Variants in LAMC3 observed in about 807,000 individuals in gnomAD.
LAMC3 encodes the protein laminin subunit gamma-3.
In LAMC3, 128 loss-of-function variants were observed where a neutral mutation model predicts 173.8. That is an observed-to-expected ratio of 0.74 (90% CI 0.64 to 0.85). LAMC3 has a LOEUF of 0.85. Ranked by LOEUF, LAMC3 falls within the 40% of genes least tolerant of loss-of-function variation. LAMC3 has a pLI of 0.00. For missense variants in LAMC3, 2,022 were observed against 2,156.0 expected (o/e 0.94, Z 1.23); for synonymous variants, 897 against 909.1 (o/e 0.99, Z 0.24).
intron 18 of LAMC3, 101 bp downstream of exon 18, chr9:131,071,726 C>T: frequency 7.8e-7 from 1 of 1,285,326 alleles, no homozygotes; most frequent in African/African-American, 1.5e-5. Flanking sequence ...CCCAAAACAG[C>T]CCTGTTGCCA....
chr9:131,045,060 A>G (rs1282377302), intron 7 of LAMC3, among the ~76,000 whole-genome samples: 1 of 152,122 alleles, frequency 6.6e-6, no homozygotes, highest in African/African-American at 2.4e-5. Context: ...CGTTTCTACT[A>G]AAAATACAAA....
intron 24 of LAMC3, among the ~76,000 whole-genome samples, chr9:131,083,094 T>C (rs1830268942): frequency 1.3e-5 from 2 of 152,204 alleles, no homozygotes; most frequent in South Asian, 4.1e-4. Flanking sequence ...CAATGACTTA[T>C]AATGATGGAA....
At position 131,034,294 on chromosome 9, in the gene LAMC3, CCTGGTGACCA is replaced by C. The variant is rs1483103836; in HGVS notation, c.810-1868_810-1859del. On this transcript the variant is annotated intron_variant, in intron 3 of 27. Coordinates refer to ENST00000361069, the MANE Select transcript of LAMC3 (RefSeq NM_006059.4). Reference sequence around the variant, plus strand: ...GGCAGGGGCAGTCCCTTGTGACTTCCCTGGTGACCACTGTCCCCAGGATTGCCTGGCGCCT... The same window carrying C: ...GGCAGGGGCAGTCCCTTGTGACTTCCCTGTCCCCAGGATTGCCTGGCGCCT... 3.9e-5 allele frequency among the ~76,000 whole-genome samples: 6 copies of C among 152,326 alleles called. No individual in the cohort carries two copies. The South Asian group carries it at 1.0e-3, about 26-fold the overall frequency.
chr9:131,067,144 G>A lies in LAMC3; in HGVS notation c.2532G>A (p.Glu844=), dbSNP rs1412417478. ...CLHNTTGDHC[E]HCQEGFYGSA... ...ACAACACCACGGGTGACCACTGTGA[G>A]CACTGTCAGGAAGGCTTCTACGGGA... is the stretch of plus-strand genomic sequence containing the variant. Residue 844 remains glutamate (E), a synonymous_variant, in exon 14 of 28, where the codon GAG becomes GAA. Transcript: ENST00000361069. 1.2e-6 allele frequency: 2 copies of A among 1,614,194 alleles called. No individual in the cohort carries two copies. Among genetic ancestry groups the A allele is most frequent in the Non-Finnish European group, 1.7e-6 (2 of 1,180,020 alleles).
intron 12 of LAMC3, among the ~76,000 whole-genome samples, chr9:131,059,538 C>T (rs1421988625): frequency 1.2e-5 from 1 of 85,590 alleles, no homozygotes. Context: ...CTGACCTAGC[C>T]GGGGAGGGCA....
At chr9:131,027,940 G>A (rs1588140837) in intron 2 of LAMC3, among the ~76,000 whole-genome samples, 1 of 152,242 alleles carries the variant, frequency 6.6e-6, no homozygotes, top group African/African-American at 2.4e-5. Flanking sequence ...ACGTTGCTGT[G>A]TGTCCATAGC....
intron 20 of LAMC3, among the ~76,000 whole-genome samples, chr9:131,074,345 G>A (rs1279477932): frequency 6.6e-6 from 1 of 151,954 alleles, no homozygotes; most frequent in East Asian, 1.9e-4. Flanking sequence ...AATGCCACAT[G>A]TTGTTTATCC....
intron 7 of LAMC3, 114 bp downstream of exon 7, chr9:131,041,849 GGGTGACCTTGT>G: frequency 1.1e-6 from 1 of 873,284 alleles, no homozygotes; most frequent in South Asian, 1.4e-5. Flanking sequence ...TCATGGACTT[GGGTGACCTTGT>G]CACCCTGTGC....
chr9:131,061,363 T>C, intron 13 of LAMC3, 140 bp downstream of exon 13: 1 of 704,542 alleles, frequency 1.4e-6, no homozygotes, highest in African/African-American at 1.8e-5. Context: ...GCAGCAGGCA[T>C]GACCTCTGAG....
chr9:131,039,689 A>G (rs1834011889), intron 6 of LAMC3, among the ~76,000 whole-genome samples: 1 of 151,960 alleles, frequency 6.6e-6, no homozygotes, highest in African/African-American at 2.4e-5. Flanking sequence ...AGAGCAGGGC[A>G]GATTCCAGAG....
chr9:131,037,607 T>G (rs1833970057), intron 4 of LAMC3, among the ~76,000 whole-genome samples: 1 of 152,056 alleles, frequency 6.6e-6, no homozygotes, highest in Admixed American at 6.5e-5. Flanking sequence ...GGGTGCGTGT[T>G]CCTCCTACCT....
chr9:131,019,747 G>A (rs2133214993), intron 1 of LAMC3, among the ~76,000 whole-genome samples: 1 of 152,178 alleles, frequency 6.6e-6, no homozygotes, highest in East Asian at 1.9e-4. Flanking sequence ...GGAGTCCATG[G>A]AGCCCCAGAG....
Position 131,061,068 on chromosome 9 carries a change from C to T in LAMC3, c.2192C>T (p.Pro731Leu), listed in dbSNP as rs1376636209. 1.9e-6 allele frequency: 3 copies of T among 1,614,046 alleles called. No homozygotes were observed. The highest frequency in any genetic ancestry group is 2.5e-6 in the Non-Finnish European group (3 of 1,180,042). Residue 731 changes from proline to leucine, a missense_variant, in exon 13 of 28, where the codon CCA becomes CTA. Transcript: ENST00000361069. ...ICVCSHHTEG[P>L]SCERCLPGFY... ...GTCTGCAGCCACCATACCGAGGGCC[C>T]ATCCTGTGAACGCTGTTTGCCAGGT...
chr9:131,079,389 G>T (rs1184485173), intron 23 of LAMC3, 91 bp downstream of exon 23: 5 of 1,500,298 alleles, frequency 3.3e-6, no homozygotes, highest in Non-Finnish European at 2.7e-6. Flanking sequence ...AGGGAGAAGG[G>T]CAGAGACAGA....
Position 131,068,183 on chromosome 9 carries a change from G to C in LAMC3, c.2699G>C (p.Arg900Pro), listed in dbSNP as rs781114465. The change falls in exon 15 of 28, where the codon CGC (arginine) becomes CCC (proline). Residue 900 changes from arginine (R) to proline (P), a missense_variant. By Grantham distance (103) the Arg-to-Pro change is moderately radical. Transcript: ENST00000361069. ...CATGTGACTGCACGGGACTGCAGCCGCTGCTACCCTGGCTTCTTCGACCTC... is the reference window on the plus strand; with the variant it reads ...CATGTGACTGCACGGGACTGCAGCCCCTGCTACCCTGGCTTCTTCGACCTC... ...LPHVTARDCS[R>P]CYPGFFDLQP... 1 of 1,612,958 alleles carries C rather than the reference G, an allele frequency of 6.2e-7. No homozygotes were observed. Among genetic ancestry groups the C allele is most frequent in the Admixed American group, 1.7e-5 (1 of 60,018 alleles).
chr9:131,037,238 T>C (rs2133249739), intron 4 of LAMC3, among the ~76,000 whole-genome samples: 1 of 152,328 alleles, frequency 6.6e-6, no homozygotes, highest in South Asian at 2.1e-4. Flanking sequence ...GCCAGACTGC[T>C]TCTACCATGT....
rs748908789 is a variant in LAMC3, at chr9:131,032,184, G to A, written c.809+9G>A. 3 of 1,555,538 alleles carry A rather than the reference G, an allele frequency of 1.9e-6. No homozygotes were observed. Among genetic ancestry groups the A allele is most frequent in the South Asian group, 1.1e-5 (1 of 90,320 alleles). On this transcript the variant is annotated intron_variant, in intron 3 of 27. Transcript: ENST00000361069. ...TTCTCTGTGGGCGGCAGGTAGGAGG[G>A]AGGAGGGAGGCAGGGTGGCAGGGCT...
intron 9 of LAMC3, among the ~76,000 whole-genome samples, chr9:131,051,183 T>C (rs1335286138): frequency 6.6e-6 from 1 of 152,294 alleles, no homozygotes; most frequent in East Asian, 1.9e-4. Flanking sequence ...ACCCCCCCAG[T>C]TCCCAAATAG....
intron 17 of LAMC3, among the ~76,000 whole-genome samples, chr9:131,070,061 G>T (rs1232511633): frequency 6.6e-6 from 1 of 152,220 alleles, no homozygotes; most frequent in East Asian, 1.9e-4. Flanking sequence ...CTAGGTGGAT[G>T]GGGGAAATGT....
Sources: gnomAD v4.1 joint callset for allele counts (sites outside exome capture counted in the v4.1 genomes callset) on GRCh38, gnomAD v4.1.1 for gene constraint, MANE v1.5 for transcripts, NCBI Gene and HGNC (gene_info 2026-07-23, HGNC 2026-07-21) for gene names.